Variants in PKN2 observed in about 807,000 individuals in gnomAD.
The protein encoded by PKN2 is serine/threonine-protein kinase N2.
A neutral mutation model predicts 119.1 loss-of-function variants in PKN2; 38 were observed. The ratio of observed to expected loss-of-function variants is 0.32; its 90% CI spans 0.25 to 0.42. The LOEUF is 0.42. Among genes scored for constraint, PKN2 ranks in the 10% least tolerant of loss-of-function variants. PKN2 has a pLI of 1.00. For synonymous variants in PKN2, 390 were observed against 384.9 expected (o/e 1.01, Z -0.15); for missense variants, 850 against 1,165.1 (o/e 0.73, Z 3.94).
At chr1:88,740,923 C>T in intron 1 of PKN2, 65 bp from the exon 2 acceptor site, 1 of 996,010 alleles carries the variant, frequency 1.0e-6, no homozygotes, top group East Asian at 2.5e-5. Flanking sequence ...GCTGAAAACA[C>T]TGCATATTTA....
intron 2 of PKN2, among the ~76,000 whole-genome samples, chr1:88,756,784 A>G (rs1413709351): frequency 6.6e-6 from 1 of 152,230 alleles, no homozygotes; most frequent in Non-Finnish European, 1.5e-5. Flanking sequence ...TACACTTTCT[A>G]CAGTGGGTAC....
chr1:88,832,668 G>T, intron 19 of PKN2, 76 bp from the exon 20 acceptor site: 1 of 726,614 alleles, frequency 1.4e-6, no homozygotes, highest in South Asian at 1.8e-5. Flanking sequence ...CCTGGATCTT[G>T]GTTGTACTTT....
At chr1:88,716,900 T>C (rs945231162) in intron 1 of PKN2, among the ~76,000 whole-genome samples, 1 of 152,236 alleles carries the variant, frequency 6.6e-6, no homozygotes, top group African/African-American at 2.4e-5. Flanking sequence ...CGATGGTCTT[T>C]ACAATTTGGC....
chr1:88,745,789 A>G (rs1668744955), intron 2 of PKN2, among the ~76,000 whole-genome samples: 1 of 152,148 alleles, frequency 6.6e-6, no homozygotes, highest in South Asian at 2.1e-4. Context: ...CTTGAGCAAA[A>G]AGAACAAAAC....
intron 1 of PKN2, among the ~76,000 whole-genome samples, chr1:88,714,768 T>G (rs2100692842): frequency 6.6e-6 from 1 of 152,314 alleles, no homozygotes; most frequent in Admixed American, 6.5e-5. Context: ...CTTTCTTTCT[T>G]TCTCCTGCCT....
At chr1:88,804,364 C>A (rs1207506418) in intron 8 of PKN2, 27 bp from the exon 9 acceptor site, 1 of 1,532,712 alleles carries the variant, frequency 6.5e-7, no homozygotes, top group Non-Finnish European at 8.8e-7. Flanking sequence ...TTTCTGTTTT[C>A]TTTATTATTT....
chr1:88,806,779 G>A (rs1671559746), intron 12 of PKN2, among the ~76,000 whole-genome samples: 2 of 152,090 alleles, frequency 1.3e-5, no homozygotes, highest in African/African-American at 4.8e-5. Context: ...GAGTGCAATG[G>A]CATGATCTTG....
At position 88,765,439 on chromosome 1, in the gene PKN2, C is replaced by G. The variant is rs1669631384; in HGVS notation, c.505-4913C>G. On this transcript the variant is annotated intron_variant, in intron 3 of 21. Coordinates refer to ENST00000370521, the MANE Select transcript of PKN2 (RefSeq NM_006256.4). ...TACCAGACTGTCCATCCAGGTCCCTCCAACCGCCAATCCTCCAGTATTGCC... is the reference window on the plus strand; with the variant it reads ...TACCAGACTGTCCATCCAGGTCCCTGCAACCGCCAATCCTCCAGTATTGCC... 2.0e-5 allele frequency among the ~76,000 whole-genome samples: 3 copies of G among 152,204 alleles called. No homozygotes were observed. In the South Asian group the frequency reaches 6.2e-4, roughly 32 times the overall value.
intron 6 of PKN2, among the ~76,000 whole-genome samples, chr1:88,783,732 A>G (rs1194990856): frequency 1.3e-5 from 2 of 152,220 alleles, no homozygotes; most frequent in Non-Finnish European, 2.9e-5. Flanking sequence ...AAAGCCATAT[A>G]TCCAGAGGAC....
intron 16 of PKN2, among the ~76,000 whole-genome samples, chr1:88,820,224 ATATATAT>A (rs1557634976): frequency 9.1e-6 from 1 of 109,606 alleles, no homozygotes; most frequent in African/African-American, 4.5e-5. Flanking sequence ...ATATATATAT[ATATATAT>A]ATAAATAGAA....
Position 88,771,583 on chromosome 1 carries a change from AT to A in PKN2, c.768+22del, listed in dbSNP as rs1557600069. On this transcript the variant is annotated intron_variant, in intron 5 of 21. Coordinates refer to ENST00000370521, the MANE Select transcript of PKN2 (RefSeq NM_006256.4). ...CTTTCAGAAGTAATTTTAAATAAAAATTTTTATTTGGTTTAATAAATACATT... is the reference window on the plus strand; with the variant it reads ...CTTTCAGAAGTAATTTTAAATAAAAATTTTATTTGGTTTAATAAATACATT... 6.4e-7 allele frequency: 1 copy of A among 1,563,190 alleles called. No homozygotes were observed. The highest frequency in any genetic ancestry group is 1.9e-5 in the Admixed American group (1 of 52,334).
chr1:88,786,276 T>A, intron 8 of PKN2, 63 bp downstream of exon 8: 1 of 821,408 alleles, frequency 1.2e-6, no homozygotes, highest in East Asian at 2.7e-5. Context: ...GAGTTATATT[T>A]TTTAGAAGGC....
At chr1:88,767,833 A>T (rs1049885132) in intron 3 of PKN2, among the ~76,000 whole-genome samples, 1 of 152,160 alleles carries the variant, frequency 6.6e-6, no homozygotes, top group African/African-American at 2.4e-5. Flanking sequence ...ATTTCAGCTC[A>T]CTTTTATTCC....
intron 19 of PKN2, among the ~76,000 whole-genome samples, chr1:88,829,571 CAG>C (rs1672651948): frequency 1.3e-5 from 2 of 152,010 alleles, no homozygotes; most frequent in South Asian, 2.1e-4. Flanking sequence ...TATTAGGAAA[CAG>C]TGAGTTATGT....
Position 88,755,857 on chromosome 1 carries a change from A to G in PKN2, c.350-4365A>G, listed in dbSNP as rs548206752. Among the ~76,000 whole-genome samples, 37 of 152,152 alleles carry G rather than the reference A, an allele frequency of 2.4e-4. No individual in the cohort carries two copies. In the South Asian group the frequency reaches 7.1e-3, roughly 29 times the overall value. On this transcript the variant is annotated intron_variant, in intron 2 of 21. Transcript: ENST00000370521. ...TAAAACTGAGGACATACTTTTCCTT[A>G]AGAACAGTGTTATGTAGTATTTTTA...
intron 3 of PKN2, among the ~76,000 whole-genome samples, chr1:88,762,551 A>T (rs1414653890): frequency 6.6e-6 from 1 of 152,192 alleles, no homozygotes; most frequent in Non-Finnish European, 1.5e-5. Flanking sequence ...GATTTTGTTA[A>T]AAGTTTGATA....
intron 8 of PKN2, among the ~76,000 whole-genome samples, chr1:88,802,973 T>C (rs985301203): frequency 1.3e-5 from 2 of 152,220 alleles, no homozygotes; most frequent in African/African-American, 2.4e-5. Flanking sequence ...CTTCCTCCAG[T>C]TTATTTCACA....
chr1:88,816,882 T>C (rs1448514422), intron 16 of PKN2: 2 of 152,144 alleles, frequency 1.3e-5, no homozygotes, highest in Admixed American at 6.6e-5. Flanking sequence ...CATTCCATAT[T>C]TTTCTGAAAT....
At chr1:88,804,627 AAGAC>A (rs2100873332) in intron 9 of PKN2, 93 bp downstream of exon 9, 3 of 1,263,584 alleles carry the variant, frequency 2.4e-6, no homozygotes, top group Non-Finnish European at 3.4e-6. Flanking sequence ...GTTAGGCTGA[AAGAC>A]AGATGACTTG....
Sources: gnomAD v4.1 joint callset for allele counts (sites outside exome capture counted in the v4.1 genomes callset) on GRCh38, gnomAD v4.1.1 for gene constraint, MANE v1.5 for transcripts, NCBI Gene and HGNC (gene_info 2026-07-23, HGNC 2026-07-21) for gene names.